Variants in DNAH17 observed in about 807,000 individuals in gnomAD.
DNAH17 encodes dynein axonemal heavy chain 17.
In DNAH17, 376 loss-of-function variants were observed where a neutral mutation model predicts 485.6. The observed-to-expected ratio is 0.77, with a 90% CI of 0.71 to 0.84. DNAH17 has a LOEUF of 0.84. DNAH17 is among the 40% of genes least tolerant of loss of function. DNAH17 has a pLI of 0.00. For missense variants in DNAH17, 6,370 were observed against 5,839.3 expected, an observed-to-expected ratio of 1.09 and a Z score of -2.96; for synonymous variants, 3,031 against 2,405.9, an observed-to-expected ratio of 1.26 and a Z score of -7.60.
intron 74 of DNAH17, among the ~76,000 whole-genome samples, chr17:78,434,962 G>A (rs943156878): frequency 6.6e-5 from 10 of 152,206 alleles, no homozygotes; most frequent in Admixed American, 6.5e-4. Flanking sequence ...AAGTGCCAGG[G>A]GAAGTGTACT....
At chr17:78,480,218 G>A (rs112738340) in intron 49 of DNAH17, among the ~76,000 whole-genome samples, 7,051 of 151,434 alleles carry the variant, frequency 0.047, 330 homozygotes, top group African/African-American at 0.12. Flanking sequence ...GTGTGGTGGC[G>A]CACACCTGTA....
At chr17:78,484,819 C>T in intron 48 of DNAH17, 49 bp downstream of exon 48, 1 of 1,470,574 alleles carries the variant, frequency 6.8e-7, no homozygotes, top group Non-Finnish European at 9.0e-7. Context: ...TGGCCCCGCC[C>T]TCACCGCCCC....
rs371209142 is a variant in DNAH17 at position 78,543,981 on chromosome 17, G to A, written c.2408C>T (p.Pro803Leu). ...CTTATTGTCCTTTCTTTCAAACAGC[G>A]GGTTGGCCGACCAGTCCTGGAAGGA... is the stretch of plus-strand genomic sequence containing the variant. ...SQAMKDWSAN[P>L]LFERKDNKKE... The change falls in exon 17 of 81, where the codon CCG becomes CTG. Residue 803 changes from proline (P) to leucine (L), a missense_variant. Physicochemically the swap from Pro to Leu is moderately conservative, Grantham distance 98. Transcript: ENST00000389840. The A allele has an allele frequency of 1.5e-4, 242 of 1,613,998 alleles. No individual in the cohort carries two copies. The highest frequency in any genetic ancestry group is 9.9e-4 in the Middle Eastern group (6 of 6,062).
At chr17:78,457,641 G>GC (rs1311149900) in intron 62 of DNAH17, among the ~76,000 whole-genome samples, 5 of 147,394 alleles carry the variant, frequency 3.4e-5, no homozygotes, top group Non-Finnish European at 7.4e-5. Context: ...CTACAGGTGC[G>GC]CACAGCCGTG....
At chr17:78,566,579 C>G in intron 11 of DNAH17, 35 bp downstream of exon 11, 1 of 1,448,714 alleles carries the variant, frequency 6.9e-7, no homozygotes. Context: ...CAGTGCCAGG[C>G]TCCAGATCTG....
rs1022431426 is a variant in DNAH17, at chr17:78,530,432, G to A, written c.3195C>T (p.Asp1065=). 6.2e-7 allele frequency: 1 copy of A among 1,613,714 alleles called. No individual in the cohort carries two copies. Among genetic ancestry groups the A allele is most frequent in the Admixed American group, 1.7e-5 (1 of 60,024 alleles). Reference sequence around the variant, plus strand: ...GCAGGGCCTGCTTGAAGGGGCGGCAGTCGCACTGCAGCCAGCCGTGGAACA... The same window carrying A: ...GCAGGGCCTGCTTGAAGGGGCGGCAATCGCACTGCAGCCAGCCGTGGAACA... ...TKVFHGWLQC[D]CRPFKQALLS... Residue 1065 remains aspartate, a synonymous_variant, in exon 21 of 81, where the codon GAC becomes GAT. Transcript: ENST00000389840.
Position 78,569,181 on chromosome 17 carries a change from G to C in DNAH17, c.1269C>G (p.Arg423=). 1 of 1,604,690 alleles carries C rather than the reference G, an allele frequency of 6.2e-7. No individual in the cohort carries two copies. Among genetic ancestry groups the C allele is most frequent in the Non-Finnish European group, 8.5e-7 (1 of 1,175,502 alleles). The change falls in exon 9 of 81, where the codon CGC becomes CGG. Residue 423 remains arginine, a synonymous_variant. Coordinates refer to ENST00000389840, the MANE Select transcript of DNAH17 (RefSeq NM_173628.4). ...AFSRINSFFQ[R]IQTIEELYKT... Reference sequence around the variant, plus strand: ...CTGTTTTTACCTCAATGGTCTGGATGCGCTGGAAGAAGGAATTTATCCTGG... The same window carrying C: ...CTGTTTTTACCTCAATGGTCTGGATCCGCTGGAAGAAGGAATTTATCCTGG...
In DNAH17 at chr17:78,447,443, C is replaced by G. The variant is rs1440791508; in HGVS notation, c.11212-1763G>C. On this transcript the variant is annotated intron_variant, in intron 69 of 80. Transcript: ENST00000389840. Reference sequence around the variant, plus strand: ...CATTTTGAAGTGGTGTATTGGGCAGCTAACCTGGCACCCTCTGTCTCAGAT... The same window carrying G: ...CATTTTGAAGTGGTGTATTGGGCAGGTAACCTGGCACCCTCTGTCTCAGAT... Among the ~76,000 whole-genome samples, 3 of 152,276 alleles carry G rather than the reference C, an allele frequency of 2.0e-5. No individual in the cohort carries two copies. The East Asian group carries it at 5.8e-4, about 29-fold the overall frequency.
chr17:78,458,991 C>A lies in DNAH17; in HGVS notation c.9861+10G>T. ...GTGTTTCGCAGGGACGGGAGCGAGC[C>A]GGCACTTACGGCAATCTTGTTTTTG... is the stretch of plus-strand genomic sequence containing the variant. On this transcript the variant is annotated intron_variant, in intron 61 of 80. Transcript: ENST00000389840. 3 of 1,613,810 alleles carry A rather than the reference C, an allele frequency of 1.9e-6. No individual in the cohort carries two copies. The highest frequency in any genetic ancestry group is 1.7e-6 in the Non-Finnish European group (2 of 1,179,812).
In DNAH17 at chr17:78,573,784, C is replaced by CCTTCAA. The variant is rs201657609; in HGVS notation, c.346-896_346-891dup. On this transcript the variant is annotated intron_variant, in intron 2 of 80. Coordinates refer to ENST00000389840, the MANE Select transcript of DNAH17 (RefSeq NM_173628.4). ...TTGGGGAAAACCAACCCCGCCGACA[C>CCTTCAA]CTTCAACTTCAACCTCTAGCCTCCA... 2.0e-3 allele frequency among the ~76,000 whole-genome samples: 303 copies of CCTTCAA among 150,372 alleles called. 1 individual carries two copies. The highest frequency in any genetic ancestry group is 3.6e-3 in the Non-Finnish European group (241 of 67,090).
Position 78,485,670 on chromosome 17 carries a change from CCA to C in DNAH17, c.7361_7362del (p.Val2454GlyfsTer61), listed in dbSNP as rs751291874. 1 of 1,614,020 alleles carries C rather than the reference CCA, an allele frequency of 6.2e-7. No homozygotes were observed. Among genetic ancestry groups the C allele is most frequent in the Non-Finnish European group, 8.5e-7 (1 of 1,179,892 alleles). ...ACCGACTTGCCCGTCCCCGCGTTCC[CCA>C]CCAGCATCACCGGCCAGGACTTCTC... ...LMEKSWPVML[V>X]GNAGTGKSVL... On this transcript the variant is annotated frameshift_variant, in exon 47 of 81. Coordinates refer to ENST00000389840, the MANE Select transcript of DNAH17 (RefSeq NM_173628.4). LOFTEE classifies it high-confidence loss of function.
Position 78,502,880 on chromosome 17 carries a change from T to G in DNAH17, c.5082+6A>C. 1 of 1,612,772 alleles carries G rather than the reference T, an allele frequency of 6.2e-7. No individual in the cohort carries two copies. Among genetic ancestry groups the G allele is most frequent in the Non-Finnish European group, 8.5e-7 (1 of 1,179,440 alleles). On this transcript the variant is annotated splice_donor_region_variant and intron_variant, in intron 32 of 80. Coordinates refer to ENST00000389840, the MANE Select transcript of DNAH17 (RefSeq NM_173628.4). ...AGGCGCCGCCGAGCCCCCACCCGCCTCAGACCTGGGCTGGGTAGTCCAGGA... is the reference window on the plus strand; with the variant it reads ...AGGCGCCGCCGAGCCCCCACCCGCCGCAGACCTGGGCTGGGTAGTCCAGGA...
chr17:78,549,010 G>C (rs1321304745), intron 16 of DNAH17, among the ~76,000 whole-genome samples: 2 of 152,200 alleles, frequency 1.3e-5, no homozygotes, highest in African/African-American at 4.8e-5. Context: ...TGGAGACACA[G>C]GAGGTCAGCT....
chr17:78,510,751 G>GCCCCCCCCCCCCCCCCC (rs3031639), intron 26 of DNAH17: 1 of 367,214 alleles, frequency 2.7e-6, no homozygotes, highest in African/African-American at 2.3e-5. Flanking sequence ...CGGAATTGCG[G>GCCCCCCCCCCCCCCCCC]CCCCCCCGCA....
chr17:78,429,628 TCA>T (rs1443306242), intron 75 of DNAH17, among the ~76,000 whole-genome samples: 1 of 152,194 alleles, frequency 6.6e-6, no homozygotes, highest in Non-Finnish European at 1.5e-5. Flanking sequence ...CTGCTGTGCC[TCA>T]CTGTGCCTCA....
At position 78,491,562 on chromosome 17, in the gene DNAH17, A is replaced by G; in HGVS notation, c.6550T>C (p.Ser2184Pro). 6.2e-7 allele frequency: 1 copy of G among 1,613,912 alleles called. No homozygotes were observed. The highest frequency in any genetic ancestry group is 1.1e-5 in the South Asian group (1 of 91,008). The change falls in exon 43 of 81, where the codon TCC (serine) becomes CCC (proline). Residue 2184 changes from serine to proline, a missense_variant. Ser to Pro is a moderately conservative substitution (Grantham distance 74). Coordinates refer to ENST00000389840, the MANE Select transcript of DNAH17 (RefSeq NM_173628.4). ...VTREWKDGLF[S>P]TIMRDLANIT... ...TTGGCCAGGTCTCGCATGATGGTGG[A>G]GAACAGGCCTGGGGGAGGCGCGTGG...
chr17:78,561,056 G>T, intron 12 of DNAH17, 121 bp from the exon 13 acceptor site: 4 of 886,696 alleles, frequency 4.5e-6, no homozygotes, highest in South Asian at 1.7e-5. Flanking sequence ...ATTACTCGAG[G>T]CTCACAGACT....
chr17:78,485,206 C>A, intron 47 of DNAH17, 173 bp from the exon 48 acceptor site: 1 of 793,846 alleles, frequency 1.3e-6, no homozygotes, highest in Non-Finnish European at 1.9e-6. Context: ...CCGGGTACAG[C>A]CCCAGGAATA....
At chr17:78,556,772 G>A (rs1014560134) in intron 14 of DNAH17, among the ~76,000 whole-genome samples, 1 of 152,080 alleles carries the variant, frequency 6.6e-6, no homozygotes, top group Non-Finnish European at 1.5e-5. Context: ...CATCAACAGA[G>A]GAATGGATAA....
Sources: allele counts gnomAD v4.1 joint callset (sites outside exome capture counted in the v4.1 genomes callset), GRCh38; gene constraint gnomAD v4.1.1; transcripts MANE v1.5; gene names NCBI Gene and HGNC (gene_info 2026-07-23, HGNC 2026-07-21).